TRMT9B: variants seen among roughly 807,000 people sequenced by gnomAD.
TRMT9B encodes the protein probable tRNA methyltransferase 9B.
TRMT9B carries 16 observed loss-of-function variants against 11.5 expected under a neutral mutation model. That is an observed-to-expected ratio of 1.39 (90% CI 0.94 to 2.11). The LOEUF (loss-of-function observed/expected upper bound fraction) is 2.11, where lower values mean the gene tolerates loss of function less well. TRMT9B is among the 30% of genes most tolerant of loss of function. TRMT9B has a pLI of 0.00. For synonymous variants in TRMT9B, 274 were observed against 192.4 expected (o/e 1.42, Z -3.51); for missense variants, 941 against 553.8 (o/e 1.70, Z -7.02).
At chr8:12,994,129 C>A (rs1807903949) in intron 2 of TRMT9B, among the ~76,000 whole-genome samples, 2 of 152,180 alleles carry the variant, frequency 1.3e-5, no homozygotes, top group African/African-American at 4.8e-5. Context: ...GAGAGAGGTG[C>A]AGTTCCCCAA....
In TRMT9B at chr8:12,990,873, C is replaced by A; in HGVS notation, c.-160C>A. 2 of 1,289,614 alleles carry A rather than the reference C, an allele frequency of 1.6e-6. No homozygotes were observed. 79.9% of individuals were successfully genotyped at this position (1,289,614 alleles called of 1,614,324 possible). ...TCAGAGACTCACACAAGAGGTTTAT[C>A]ATGAGAAGGACCGCACTATTTCATT... is the stretch of plus-strand genomic sequence containing the variant. On this transcript the variant is annotated 5_prime_UTR_variant, in exon 2 of 5. An upstream open reading frame in the 5' UTR gains an earlier in-frame stop. Coordinates refer to ENST00000524591, the MANE Select transcript of TRMT9B (RefSeq NM_020844.3).
At chr8:12,953,533 G>C (rs1419035013) in intron 1 of TRMT9B, among the ~76,000 whole-genome samples, 1 of 152,060 alleles carries the variant, frequency 6.6e-6, no homozygotes, top group Non-Finnish European at 1.5e-5. Flanking sequence ...TGTGTTTTTA[G>C]TAGAGAGGGG....
rs148623129 is a variant in TRMT9B, at chr8:13,025,918, G to T, written c.*3874G>T. ...ATAGGCAAAAATTTGGAGTAATCCAGAGAAAAAACCATCCAAATATAAACC... is the reference window on the plus strand; with the variant it reads ...ATAGGCAAAAATTTGGAGTAATCCATAGAAAAAACCATCCAAATATAAACC... On this transcript the variant is annotated 3_prime_UTR_variant, in exon 5 of 5. Coordinates refer to ENST00000524591, the MANE Select transcript of TRMT9B (RefSeq NM_020844.3). 1 of 166,708 alleles carries T rather than the reference G, an allele frequency of 6.0e-6. No homozygotes were observed. Among genetic ancestry groups the T allele is most frequent in the Non-Finnish European group, 1.5e-5 (1 of 68,098 alleles). The allele number at this position is 166,708 out of a possible 1,614,324, so 10.3% of individuals were successfully genotyped here.
intron 1 of TRMT9B, among the ~76,000 whole-genome samples, chr8:12,985,953 C>T (rs1806225351): frequency 6.6e-6 from 1 of 152,078 alleles, no homozygotes; most frequent in Admixed American, 6.6e-5. Context: ...CTCCGCCTCC[C>T]AGGTTCAAAT....
chr8:12,963,676 G>A (rs1563320479), intron 1 of TRMT9B, among the ~76,000 whole-genome samples: 2 of 152,082 alleles, frequency 1.3e-5, no homozygotes. Context: ...TTGAGCCTTG[G>A]AGGTCAATGC....
At chr8:13,012,101 G>T (rs1811716680) in intron 3 of TRMT9B, 3 of 985,350 alleles carry the variant, frequency 3.0e-6, no homozygotes, top group African/African-American at 1.7e-5. Flanking sequence ...AACGTGCCTT[G>T]GTTGCGCCAG....
intron 1 of TRMT9B, among the ~76,000 whole-genome samples, chr8:12,968,883 G>T (rs1468933605): frequency 6.6e-6 from 1 of 152,180 alleles, no homozygotes; most frequent in Non-Finnish European, 1.5e-5. Flanking sequence ...TTCGGCAGTG[G>T]TCACATAAGC....
intron 2 of TRMT9B, among the ~76,000 whole-genome samples, chr8:12,991,236 A>G (rs754489879): frequency 1.3e-5 from 2 of 152,258 alleles, no homozygotes; most frequent in Non-Finnish European, 2.9e-5. Context: ...TTATAAGAAC[A>G]TATTTAGCAT....
At chr8:13,014,276 C>T (rs1417372663) in intron 4 of TRMT9B, among the ~76,000 whole-genome samples, 1 of 152,148 alleles carries the variant, frequency 6.6e-6, no homozygotes, top group African/African-American at 2.4e-5. Flanking sequence ...TTGTCTTAGC[C>T]TTTGCAGCCT....
At chr8:12,948,533 CAT>C (rs1055877070) in intron 1 of TRMT9B, among the ~76,000 whole-genome samples, 6 of 146,590 alleles carry the variant, frequency 4.1e-5, no homozygotes, top group African/African-American at 1.5e-4. Context: ...ATTCATATTG[CAT>C]ATATATTTAC....
intron 1 of TRMT9B, among the ~76,000 whole-genome samples, chr8:12,978,542 A>G (rs571324149): frequency 6.7e-6 from 1 of 150,090 alleles, no homozygotes; most frequent in Non-Finnish European, 1.5e-5. Context: ...ATAGATAGAT[A>G]GATAGATAGA....
chr8:13,006,229 G>A lies in TRMT9B; in HGVS notation c.27G>A (p.Glu9=), dbSNP rs779529483. ...TGGATCATGAAGCCGCCCAGCTGGA[G>A]AAGCAGCATGTGCACAATGTGTACG... MDHEAAQL[E]KQHVHNVYES... Residue 9 remains glutamate, a synonymous_variant, in exon 3 of 5, where the codon GAG becomes GAA. Coordinates refer to ENST00000524591, the MANE Select transcript of TRMT9B (RefSeq NM_020844.3). 1.4e-4 allele frequency: 232 copies of A among 1,613,858 alleles called. No individual in the cohort carries two copies. Among genetic ancestry groups the A allele is most frequent in the Non-Finnish European group, 1.9e-4 (224 of 1,179,888 alleles).
At chr8:12,951,187 T>C (rs1800574967) in intron 1 of TRMT9B, 1 of 152,142 alleles carries the variant, frequency 6.6e-6, no homozygotes, top group African/African-American at 2.4e-5. Flanking sequence ...GGGCTCGTTT[T>C]GCAAAACTCA....
chr8:12,990,905 C>T lies in TRMT9B; in HGVS notation c.-128C>T. ...AGGACCGCACTATTTCATTTCACTCCTACAAGTTTTCATTTACGTTACACA... is the reference window on the plus strand; with the variant it reads ...AGGACCGCACTATTTCATTTCACTCTTACAAGTTTTCATTTACGTTACACA... On this transcript the variant is annotated 5_prime_UTR_variant, in exon 2 of 5. Coordinates refer to ENST00000524591, the MANE Select transcript of TRMT9B (RefSeq NM_020844.3). 7.8e-7 allele frequency: 1 copy of T among 1,289,358 alleles called. No individual in the cohort carries two copies. Among genetic ancestry groups the T allele is most frequent in the East Asian group, 5.5e-5 (1 of 18,030 alleles). 79.9% of individuals were successfully genotyped at this position (1,289,358 alleles called of 1,614,324 possible).
At chr8:12,958,089 TG>T (rs2128860534) in intron 1 of TRMT9B, among the ~76,000 whole-genome samples, 1 of 152,364 alleles carries the variant, frequency 6.6e-6, no homozygotes, top group East Asian at 1.9e-4. Context: ...AGAGGTTTTT[TG>T]TCCTTTTGTG....
At chr8:12,996,827 C>A (rs1269666300) in intron 2 of TRMT9B, among the ~76,000 whole-genome samples, 1 of 152,150 alleles carries the variant, frequency 6.6e-6, no homozygotes, top group Non-Finnish European at 1.5e-5. Context: ...ACATTATCAG[C>A]ACCCCAGGAC....
At chr8:12,985,042 G>A (rs571977267) in intron 1 of TRMT9B, among the ~76,000 whole-genome samples, 12 of 150,538 alleles carry the variant, frequency 8.0e-5, no homozygotes, top group South Asian at 2.1e-4. Flanking sequence ...CCCCTATTTC[G>A]TTTTGGGGGC....
rs533638940 is a variant in TRMT9B at position 13,013,672 on chromosome 8, G to C, written c.328+815G>C. Among the ~76,000 whole-genome samples the C allele has an allele frequency of 9.2e-5, 14 of 152,256 alleles. 1 individual carries two copies. In the South Asian group the frequency reaches 2.9e-3, roughly 32 times the overall value. ...ACACTCTTAAAAATCAACCTATTTG[G>C]CCGGGTGCAGCGGCTCATGCCTGTA... On this transcript the variant is annotated intron_variant, in intron 4 of 4. Coordinates refer to ENST00000524591, the MANE Select transcript of TRMT9B (RefSeq NM_020844.3).
chr8:12,946,068 T>A (rs546978829), intron 1 of TRMT9B, 102 bp downstream of exon 1: 1 of 152,228 alleles, frequency 6.6e-6, no homozygotes, highest in Admixed American at 6.5e-5. Context: ...TGAGGGTAGA[T>A]ATCTTATCTG....
Sources: allele counts gnomAD v4.1 joint callset (sites outside exome capture counted in the v4.1 genomes callset), GRCh38; gene constraint gnomAD v4.1.1; transcripts MANE v1.5; gene names NCBI Gene and HGNC (gene_info 2026-07-23, HGNC 2026-07-21).